The following ANGPT1 variants were observed in gnomAD, a reference collection of about 807,000 sequenced individuals.
ANGPT1 encodes angiopoietin-1.
Under a neutral mutation model 62.2 loss-of-function variants are expected in ANGPT1, and 17 were observed. That is an observed-to-expected ratio of 0.27 (90% confidence interval 0.19 to 0.41). The LOEUF is 0.41. Among genes scored for constraint, ANGPT1 ranks in the 10% least tolerant of loss-of-function variants. The pLI is 1.00. For missense variants in ANGPT1, 478 were observed against 594.9 expected (o/e 0.80, Z 2.04); for synonymous variants, 199 against 198.9 (o/e 1.00, Z 0.00).
chr8:107,413,527 G>T (rs895455211), intron 1 of ANGPT1, among the ~76,000 whole-genome samples: 10 of 150,782 alleles, frequency 6.6e-5, no homozygotes, highest in African/African-American at 2.2e-4. Flanking sequence ...AAGATTTAGT[G>T]AACTATTACA....
chr8:107,416,611 A>G (rs1810754282), intron 1 of ANGPT1, among the ~76,000 whole-genome samples: 1 of 152,134 alleles, frequency 6.6e-6, no homozygotes, highest in Non-Finnish European at 1.5e-5. Context: ...ATGGACAACC[A>G]TGTAGAAGTG....
intron 8 of ANGPT1, among the ~76,000 whole-genome samples, chr8:107,257,257 T>C (rs1454410108): frequency 6.6e-6 from 1 of 152,220 alleles, no homozygotes; most frequent in African/African-American, 2.4e-5. Flanking sequence ...AAATCTGAGA[T>C]TCATGTTTCC....
Position 107,497,541 on chromosome 8 carries a change from G to T in ANGPT1, c.18C>A (p.Ser6=). The change falls in exon 1 of 9, where the codon TCC becomes TCA. Residue 6 remains serine (S), a synonymous_variant. Coordinates refer to ENST00000517746, the MANE Select transcript of ANGPT1 (RefSeq NM_001146.5). ...TCAGAATGGCAGCGAGGAAAGCAAA[G>T]GAAAGGAAAACTGTCATTGTACTGC... The part of the protein sequence containing the change: MTVFL[S]FAFLAAILTH... The T allele has an allele frequency of 6.2e-7, 1 of 1,613,908 alleles. No homozygotes were observed. Among genetic ancestry groups the T allele is most frequent in the Non-Finnish European group, 8.5e-7 (1 of 1,179,918 alleles).
chr8:107,357,126 G>A lies in ANGPT1; in HGVS notation c.298-10029C>T, dbSNP rs116291846. Among the ~76,000 whole-genome samples, 588 of 152,140 alleles carry A rather than the reference G, an allele frequency of 3.9e-3. 6 individuals carry two copies. Among genetic ancestry groups the A allele is most frequent in the African/African-American group, 0.014 (566 of 41,526 alleles). On this transcript the variant is annotated intron_variant, in intron 1 of 8. Transcript: ENST00000517746. ...TTTTCTTAAAGATCCATTTAAAATA[G>A]CCAACGCATCACTCACCTTTGAATG...
At chr8:107,471,939 T>C (rs750497658) in intron 1 of ANGPT1, among the ~76,000 whole-genome samples, 3 of 152,072 alleles carry the variant, frequency 2.0e-5, no homozygotes, top group Non-Finnish European at 4.4e-5. Context: ...TTTTCAGATT[T>C]CCTGATGTTA....
At chr8:107,423,581 C>A (rs568684390) in intron 1 of ANGPT1, among the ~76,000 whole-genome samples, 66 of 152,190 alleles carry the variant, frequency 4.3e-4, no homozygotes, top group African/African-American at 1.4e-3. Context: ...GAGAACACCC[C>A]CCGACTCCTC....
At chr8:107,385,728 T>C (rs1816719632) in intron 1 of ANGPT1, among the ~76,000 whole-genome samples, 1 of 152,094 alleles carries the variant, frequency 6.6e-6, no homozygotes. Flanking sequence ...GGGGAATGCT[T>C]CCAGCTTTTG....
rs567126009 is a variant in ANGPT1, at chr8:107,327,078, A to C, written c.576-4950T>G. 3.3e-5 allele frequency among the ~76,000 whole-genome samples: 5 copies of C among 152,196 alleles called. No homozygotes were observed. The South Asian group carries it at 1.0e-3, about 32-fold the overall frequency. On this transcript the variant is annotated intron_variant, in intron 3 of 8. Coordinates refer to ENST00000517746, the MANE Select transcript of ANGPT1 (RefSeq NM_001146.5). ...GTTGTTCTGGGAGCTTATCCTTCACAATATTTGAACCTGTTTATCTTTCCC... is the reference window on the plus strand; with the variant it reads ...GTTGTTCTGGGAGCTTATCCTTCACCATATTTGAACCTGTTTATCTTTCCC...
intron 1 of ANGPT1, 55 bp downstream of exon 1, chr8:107,497,207 C>T: frequency 6.4e-7 from 1 of 1,557,796 alleles, no homozygotes; most frequent in East Asian, 2.3e-5. Context: ...AAGTTAGCTG[C>T]AGTGCAAGAA....
intron 1 of ANGPT1, among the ~76,000 whole-genome samples, chr8:107,367,436 G>T (rs931623400): frequency 2.0e-5 from 3 of 152,152 alleles, no homozygotes; most frequent in Non-Finnish European, 4.4e-5. Flanking sequence ...TCAGGGTGGG[G>T]TGATGATTGC....
intron 2 of ANGPT1, 22 bp downstream of exon 2, chr8:107,346,920 G>T: frequency 1.3e-6 from 2 of 1,583,362 alleles, no homozygotes; most frequent in Non-Finnish European, 1.7e-6. Context: ...TTGAGTCTGT[G>T]GACTCTGGCC....
chr8:107,365,275 C>T (rs192752204), intron 1 of ANGPT1, among the ~76,000 whole-genome samples: 299 of 152,234 alleles, frequency 2.0e-3, no homozygotes, highest in Non-Finnish European at 3.2e-3. Flanking sequence ...TGGTTCACTA[C>T]CGGAAACTCA....
chr8:107,432,537 G>A (rs1054440962), intron 1 of ANGPT1, among the ~76,000 whole-genome samples: 5 of 151,930 alleles, frequency 3.3e-5, no homozygotes, highest in African/African-American at 9.7e-5. Context: ...GGTGGCGGGT[G>A]ACTGTAGTCC....
chr8:107,343,843 C>T (rs1375055212), intron 2 of ANGPT1, among the ~76,000 whole-genome samples: 2 of 152,128 alleles, frequency 1.3e-5, no homozygotes, highest in African/African-American at 2.4e-5. Flanking sequence ...AGGTGAATTG[C>T]TTCAACCTAG....
At chr8:107,380,474 A>C (rs1816615455) in intron 1 of ANGPT1, among the ~76,000 whole-genome samples, 1 of 152,030 alleles carries the variant, frequency 6.6e-6, no homozygotes, top group Admixed American at 6.6e-5. Context: ...ACACATTAGA[A>C]GCTAGATGCC....
intron 1 of ANGPT1, among the ~76,000 whole-genome samples, chr8:107,357,959 C>A (rs531722865): frequency 6.6e-6 from 1 of 152,260 alleles, no homozygotes. Context: ...TATGCTACAT[C>A]TTTTCTTGCT....
chr8:107,369,986 A>G (rs887715842), intron 1 of ANGPT1, among the ~76,000 whole-genome samples: 4 of 151,494 alleles, frequency 2.6e-5, no homozygotes, highest in Admixed American at 1.3e-4. Context: ...AAAACATAAA[A>G]TTTGCTGGGT....
intron 1 of ANGPT1, among the ~76,000 whole-genome samples, chr8:107,400,268 A>G (rs1414900318): frequency 2.0e-5 from 3 of 152,194 alleles, no homozygotes; most frequent in Non-Finnish European, 2.9e-5. Flanking sequence ...ATCTCACAAC[A>G]AAGTGGATGA....
chr8:107,312,057 C>T (rs1257723564), intron 4 of ANGPT1, among the ~76,000 whole-genome samples: 2 of 144,278 alleles, frequency 1.4e-5, no homozygotes, highest in Non-Finnish European at 3.0e-5. Context: ...GAGCGAGACT[C>T]CGTTTCAAAA....
Sources: gnomAD v4.1 joint callset for allele counts (sites outside exome capture counted in the v4.1 genomes callset) on GRCh38, gnomAD v4.1.1 for gene constraint, MANE v1.5 for transcripts, NCBI Gene and HGNC (gene_info 2026-07-23, HGNC 2026-07-21) for gene names.